Variants in FAM53A observed in about 807,000 individuals in gnomAD.
FAM53A encodes the protein protein FAM53A.
Under a neutral mutation model 26.6 loss-of-function variants are expected in FAM53A, and 28 were observed. The ratio of observed to expected loss-of-function variants is 1.05; its 90% CI spans 0.78 to 1.45. The LOEUF (loss-of-function observed/expected upper bound fraction) is 1.45, where lower values mean the gene tolerates loss of function less well. Among genes scored for constraint, FAM53A ranks in the 40% most tolerant of loss-of-function variants. FAM53A has a pLI of 0.00. For missense variants in FAM53A, 650 were observed against 575.8 expected, an observed-to-expected ratio of 1.13 and a Z score of -1.32; for synonymous variants, 290 against 253.1, an observed-to-expected ratio of 1.15 and a Z score of -1.38.
chr4:1,604,919 T>C, the FAM53A span, among the ~76,000 whole-genome samples: 1 of 151,818 alleles, frequency 6.6e-6, no homozygotes, highest in African/African-American at 2.4e-5. Context: ...TCCCCAAGGC[T>C]CTGGCCCTGC....
At chr4:1,643,750 A>T (rs1271354946) in intron 4 of FAM53A, among the ~76,000 whole-genome samples, 1 of 151,746 alleles carries the variant, frequency 6.6e-6, no homozygotes, top group African/African-American at 2.4e-5. Context: ...TATTTTCTGT[A>T]GCGATGGGGT....
intron 1 of FAM53A, among the ~76,000 whole-genome samples, chr4:1,670,183 G>A (rs1714534352): frequency 6.6e-6 from 1 of 152,260 alleles, no homozygotes; most frequent in Non-Finnish European, 1.5e-5. Context: ...AAGGGCAAAG[G>A]AGACTCACAC....
At position 1,640,421 on chromosome 4, in the gene FAM53A, T is replaced by C; in HGVS notation, c.*872A>G. On this transcript the variant is annotated 3_prime_UTR_variant, in exon 5 of 5. Coordinates refer to ENST00000308132, the MANE Select transcript of FAM53A (RefSeq NM_001174070.3). Reference sequence around the variant, plus strand: ...AGCAACTAAAGCACACAAGGCGCCCTGCACAGCAGGCCTTTCGTGGGGAAC... The same window carrying C: ...AGCAACTAAAGCACACAAGGCGCCCCGCACAGCAGGCCTTTCGTGGGGAAC... The C allele has an allele frequency of 7.1e-6, 2 of 282,942 alleles. No homozygotes were observed. 17.5% of individuals were successfully genotyped at this position (282,942 alleles called of 1,614,324 possible). A position where few individuals can be genotyped will look rare whatever the true frequency, so the allele number is the denominator to read the frequency against.
chr4:1,612,645 C>T, the FAM53A span, among the ~76,000 whole-genome samples: 70 of 152,366 alleles, frequency 4.6e-4, no homozygotes, highest in Middle Eastern at 3.4e-3. Flanking sequence ...CATGCACACA[C>T]GCCCAGGCCT....
chr4:1,641,836 C>G (rs542373922), intron 4 of FAM53A, among the ~76,000 whole-genome samples: 129 of 152,232 alleles, frequency 8.5e-4, no homozygotes, highest in Non-Finnish European at 1.5e-3. Context: ...CTCTCCTCAG[C>G]CCCCGCCCAG....
At chr4:1,599,626 G>C in the FAM53A span, among the ~76,000 whole-genome samples, 1 of 152,148 alleles carries the variant, frequency 6.6e-6, no homozygotes, top group Non-Finnish European at 1.5e-5. The surrounding 1 kb of genome is among the most constrained non-coding windows in gnomAD (Gnocchi z 6.1). Context: ...CCCTACCTCT[G>C]CAAGAGCCTA....
the FAM53A span, among the ~76,000 whole-genome samples, chr4:1,580,558 A>ACCTCCCGACCTAGGCCCCG: frequency 1.5e-5 from 1 of 67,604 alleles, no homozygotes; most frequent in African/African-American, 7.3e-5. Context: ...GCCGGGCCCC[A>ACCTCCCGACCTAGGCCCCG]CCTCCCGCCC....
rs116619587 is a variant in FAM53A at position 1,630,255 on chromosome 4, A to T, written c.432-12144T>A. On this transcript the variant is annotated intron_variant, in intron 1 of 1. Coordinates refer to the FAM53A transcript ENST00000489029. The surrounding 1 kb of genome is among the most constrained non-coding windows in gnomAD (Gnocchi z 4.3). ...GTGCCACCTGCTGCAGGGGCCTGAG[A>T]CACCCTGTCCTCTGAGCTGCCCGTG... Among the ~76,000 whole-genome samples the T allele has an allele frequency of 0.012, 1,761 of 152,266 alleles. 30 individuals are homozygous for T. The highest frequency in any genetic ancestry group is 0.041 in the African/African-American group (1,684 of 41,548).
chr4:1,614,695 C>T (rs1003903332), downstream of FAM53A, among the ~76,000 whole-genome samples: 2 of 152,150 alleles, frequency 1.3e-5, no homozygotes, highest in African/African-American at 4.8e-5. Flanking sequence ...AGGGGAGGTT[C>T]CTGCCGCCTC....
At chr4:1,614,728 C>A (rs1714747585), downstream of FAM53A, among the ~76,000 whole-genome samples, 1 of 152,174 alleles carries the variant, frequency 6.6e-6, no homozygotes, top group Admixed American at 6.5e-5. Context: ...CTCCGTCCGC[C>A]AATCAATACC....
At chr4:1,603,376 G>T in the FAM53A span, among the ~76,000 whole-genome samples, 13,104 of 152,206 alleles carry the variant, frequency 0.086, 1,663 homozygotes, top group African/African-American at 0.28. Context: ...CCTCTGCAGG[G>T]CAGAAGGCAG....
At position 1,649,176 on chromosome 4, in the gene FAM53A, A is replaced by AGAGGGAAAGGGAAG. The variant is rs1560151153; in HGVS notation, c.882+5801_882+5802insCTTCCCTTTCCCTC. On this transcript the variant is annotated intron_variant, in intron 4 of 4. Coordinates refer to ENST00000308132, the MANE Select transcript of FAM53A (RefSeq NM_001174070.3). ...AGGGGAAAGGGAAGGGGAAAGGGAA[A>AGAGGGAAAGGGAAG]GGGAAGGGGAAGGGGAAGGGGAAAG... Among the ~76,000 whole-genome samples, 395 of 106,142 alleles carry AGAGGGAAAGGGAAG rather than the reference A, an allele frequency of 3.7e-3. 4 individuals carry two copies. The highest frequency in any genetic ancestry group is 0.018 in the African/African-American group (376 of 20,848). 69.6% of individuals were successfully genotyped at this position (106,142 alleles called of 152,430 possible).
At chr4:1,610,931 C>T in the FAM53A span, among the ~76,000 whole-genome samples, 1 of 152,240 alleles carries the variant, frequency 6.6e-6, no homozygotes, top group Non-Finnish European at 1.5e-5. Flanking sequence ...ACACCCGAGG[C>T]CCTCAGGCTG....
At chr4:1,614,416 G>GATGCAGAGACGTGAGGGGC (rs1714734728), downstream of FAM53A, among the ~76,000 whole-genome samples, 9 of 131,004 alleles carry the variant, frequency 6.9e-5, no homozygotes, top group African/African-American at 3.2e-4. Flanking sequence ...ACGTGAGGGG[G>GATGCAGAGACGTGAGGGGC]ATGCAGAGAC....
intron 4 of FAM53A, among the ~76,000 whole-genome samples, chr4:1,652,536 C>T (rs2108884878): frequency 6.8e-6 from 1 of 147,786 alleles, no homozygotes. Flanking sequence ...CTCTACCATA[C>T]ACACAGGCCA....
chr4:1,644,369 A>T (rs1402756885), intron 4 of FAM53A: 29 of 1,535,034 alleles, frequency 1.9e-5, no homozygotes, highest in Non-Finnish European at 2.4e-5. Flanking sequence ...GCAGGCTCTG[A>T]ACGCCTCTGG....
the FAM53A span, among the ~76,000 whole-genome samples, chr4:1,605,770 G>C: frequency 9.9e-3 from 1,503 of 152,184 alleles, 22 homozygotes; most frequent in African/African-American, 0.034. The surrounding 1 kb of genome is among the most constrained non-coding windows in gnomAD (Gnocchi z 5.7). Flanking sequence ...AAACCCTGGG[G>C]CGGGCACAGC....
chr4:1,622,398 C>A (rs4865444), intron 1 of FAM53A, among the ~76,000 whole-genome samples: 1 of 152,092 alleles, frequency 6.6e-6, no homozygotes, highest in Non-Finnish European at 1.5e-5. Flanking sequence ...TCCCTGGGGA[C>A]TCCTTTGTGG....
chr4:1,645,279 A>G (rs1318285010), intron 4 of FAM53A, among the ~76,000 whole-genome samples: 1 of 152,254 alleles, frequency 6.6e-6, no homozygotes, highest in African/African-American at 2.4e-5. Flanking sequence ...TGGCCAGAGC[A>G]AGCTCCGTGC....
Sources: gnomAD v4.1 joint callset for allele counts (sites outside exome capture counted in the v4.1 genomes callset) on GRCh38, gnomAD v4.1.1 for gene constraint, Gnocchi (gnomAD v3.1) non-coding constraint, MANE v1.5 for transcripts, NCBI Gene and HGNC (gene_info 2026-07-23, HGNC 2026-07-21) for gene names.